SMARCA5: variants seen among roughly 807,000 people sequenced by gnomAD.
SMARCA5 encodes SNF2 related chromatin remodeling ATPase 5, also known as SWI/SNF-related matrix-associated actin-dependent regulator of chromatin subfamily A member 5.
In SMARCA5, 18 loss-of-function variants were observed where a neutral mutation model predicts 140.4. The observed-to-expected ratio is 0.13, with a 90% confidence interval of 0.09 to 0.19. The LOEUF (loss-of-function observed/expected upper bound fraction) is 0.19, where lower values mean the gene tolerates loss of function less well. Ranked by LOEUF, SMARCA5 falls within the 10% of genes least tolerant of loss-of-function variation. The pLI is 1.00. For synonymous variants in SMARCA5, 449 were observed against 419.6 expected, an observed-to-expected ratio of 1.07 and a Z score of -0.86; for missense variants, 606 against 1,276.8, an observed-to-expected ratio of 0.47 and a Z score of 8.01.
chr4:143,538,991 G>A, intron 13 of SMARCA5, 53 bp downstream of exon 13: 1 of 1,489,012 alleles, frequency 6.7e-7, no homozygotes, highest in African/African-American at 1.4e-5. Flanking sequence ...CGTTAGTTAG[G>A]ACAGGCTAAT....
intron 2 of SMARCA5, among the ~76,000 whole-genome samples, chr4:143,519,608 A>G (rs948379407): frequency 2.0e-5 from 3 of 151,814 alleles, no homozygotes; most frequent in Non-Finnish European, 4.4e-5. Context: ...TTTTGACATC[A>G]TGATCTTCAC....
chr4:143,513,708 G>C lies in SMARCA5; in HGVS notation c.-217G>C. The stretch of plus-strand genomic sequence containing the variant: ...TTCCCGCCGTGAGGTAAGCGCCGGT[G>C]GAACCTAGAGCCCCGCGGAAGAGCA... On this transcript the variant is annotated 5_prime_UTR_variant, in exon 1 of 24. Coordinates refer to ENST00000283131, the MANE Select transcript of SMARCA5 (RefSeq NM_003601.4). 1 of 572,614 alleles carries C rather than the reference G, an allele frequency of 1.7e-6. No homozygotes were observed. The highest frequency in any genetic ancestry group is 3.0e-6 in the Non-Finnish European group (1 of 331,068). 35.5% of individuals were successfully genotyped at this position (572,614 alleles called of 1,614,324 possible).
chr4:143,525,272 C>A (rs541268326), intron 4 of SMARCA5, among the ~76,000 whole-genome samples, 179 bp from the exon 5 acceptor site: 1 of 152,254 alleles, frequency 6.6e-6, no homozygotes, highest in East Asian at 1.9e-4. Flanking sequence ...TCTTCCATGT[C>A]CAGCTTTTCC....
At chr4:143,547,073 T>C (rs563286992) in intron 20 of SMARCA5, among the ~76,000 whole-genome samples, 165 bp downstream of exon 20, 1 of 152,276 alleles carries the variant, frequency 6.6e-6, no homozygotes, top group East Asian at 1.9e-4. Flanking sequence ...AGAAATGGCG[T>C]AATGGTTTCC....
intron 7 of SMARCA5, 130 bp downstream of exon 7, chr4:143,528,153 T>C: frequency 1.6e-6 from 1 of 641,032 alleles, no homozygotes; most frequent in South Asian, 2.3e-5. Flanking sequence ...TAGGTATGCA[T>C]GTGCCATGGT....
chr4:143,528,467 A>G (rs1737119255), intron 7 of SMARCA5, 116 bp from the exon 8 acceptor site: 2 of 804,008 alleles, frequency 2.5e-6, no homozygotes, highest in South Asian at 1.9e-5. Flanking sequence ...TATGTGCCAT[A>G]TTTTCTTTAA....
intron 13 of SMARCA5, among the ~76,000 whole-genome samples, 186 bp downstream of exon 13, chr4:143,539,124 A>G (rs755530359): frequency 1.8e-4 from 27 of 152,160 alleles, no homozygotes; most frequent in Non-Finnish European, 2.5e-4. Flanking sequence ...GGGATCTGCC[A>G]TATCTTAGGA....
At position 143,556,631 on chromosome 4, in the gene SMARCA5, A is replaced by G. The variant is rs1481759815; in HGVS notation, c.*3447A>G. On this transcript the variant is annotated 3_prime_UTR_variant, in exon 24 of 24. Transcript: ENST00000283131. ...TTACCAAAATATATACATATTTTGT[A>G]TATGTACATAGCTGTTACCAAAATG... 1 of 152,226 alleles carries G rather than the reference A, an allele frequency of 6.6e-6. No homozygotes were observed. The highest frequency in any genetic ancestry group is 2.4e-5 in the African/African-American group (1 of 41,472). 9.4% of individuals were successfully genotyped at this position (152,226 alleles called of 1,614,324 possible).
At chr4:143,523,223 C>A (rs1736998713) in intron 3 of SMARCA5, among the ~76,000 whole-genome samples, 1 of 152,054 alleles carries the variant, frequency 6.6e-6, no homozygotes, top group South Asian at 2.1e-4. Flanking sequence ...GATGGGGTTT[C>A]ACCATGTTGG....
At chr4:143,544,026 G>A in intron 16 of SMARCA5, 54 bp downstream of exon 16, 2 of 1,348,478 alleles carry the variant, frequency 1.5e-6, no homozygotes, top group Non-Finnish European at 2.0e-6. Context: ...CTGGAAACTT[G>A]GAATTTTAAG....
chr4:143,555,661 C>CT lies in SMARCA5; in HGVS notation c.*2481dup, dbSNP rs148860943. On this transcript the variant is annotated 3_prime_UTR_variant, in exon 24 of 24. Coordinates refer to ENST00000283131, the MANE Select transcript of SMARCA5 (RefSeq NM_003601.4). ...CTATTATAAAGTGTAATTATTACTACTTTTAAGAGACAGGGTCTTGCTCTG... is the reference window on the plus strand; with the variant it reads ...CTATTATAAAGTGTAATTATTACTACTTTTTAAGAGACAGGGTCTTGCTCTG... The CT allele has an allele frequency of 1.7e-3, 393 of 233,820 alleles. No homozygotes were observed. The highest frequency in any genetic ancestry group is 6.8e-3 in the African/African-American group (290 of 42,702). 14.5% of individuals were successfully genotyped at this position (233,820 alleles called of 1,614,324 possible).
At chr4:143,534,393 A>G (rs572857049) in intron 9 of SMARCA5, among the ~76,000 whole-genome samples, 9 of 152,312 alleles carry the variant, frequency 5.9e-5, no homozygotes, top group Admixed American at 3.9e-4. Flanking sequence ...CATAGATTCA[A>G]TCAACTATGG....
In SMARCA5 at chr4:143,555,428, G is replaced by T; in HGVS notation, c.*2244G>T. Reference sequence around the variant, plus strand: ...ATCACAGAACTTGATGACTGTATTTGTGACTAATTGTATAATAGTTTCTGT... The same window carrying T: ...ATCACAGAACTTGATGACTGTATTTTTGACTAATTGTATAATAGTTTCTGT... On this transcript the variant is annotated 3_prime_UTR_variant, in exon 24 of 24. Transcript: ENST00000283131. 2 of 606,868 alleles carry T rather than the reference G, an allele frequency of 3.3e-6. No homozygotes were observed. The highest frequency in any genetic ancestry group is 1.8e-5 in the African/African-American group (1 of 55,124). 37.6% of individuals were successfully genotyped at this position (606,868 alleles called of 1,614,324 possible). A position where few individuals can be genotyped will look rare whatever the true frequency, so the allele number is the denominator to read the frequency against.
chr4:143,522,063 T>C (rs1736973310), intron 3 of SMARCA5, among the ~76,000 whole-genome samples: 1 of 152,126 alleles, frequency 6.6e-6, no homozygotes, highest in Non-Finnish European at 1.5e-5. Flanking sequence ...TAACATCACA[T>C]TGAAGAATGA....
At chr4:143,549,015 T>C (rs1441381260) in intron 22 of SMARCA5, among the ~76,000 whole-genome samples, 1 of 152,112 alleles carries the variant, frequency 6.6e-6, no homozygotes, top group East Asian at 1.9e-4. Context: ...TAAAACACTG[T>C]ATAAATATAT....
chr4:143,539,328 A>G (rs937637491), intron 13 of SMARCA5, among the ~76,000 whole-genome samples: 1 of 152,204 alleles, frequency 6.6e-6, no homozygotes, highest in Non-Finnish European at 1.5e-5. Flanking sequence ...AAATTATAGT[A>G]TAGTTATATC....
At chr4:143,535,537 A>G (rs563088569) in intron 10 of SMARCA5, among the ~76,000 whole-genome samples, 9 of 152,290 alleles carry the variant, frequency 5.9e-5, no homozygotes, top group African/African-American at 2.2e-4. Flanking sequence ...TTATCTGGGT[A>G]AGAGGTTATC....
rs945618863 is a variant in SMARCA5, at chr4:143,526,308, T to A, written c.649T>A (p.Ser217Thr). The change falls in exon 6 of 24, where the codon TCT (serine) becomes ACT (threonine). Residue 217 changes from serine (S) to threonine (T), a missense_variant. Around this residue, in one of 10 missense-constraint regions of SMARCA5, gnomAD observed 110 missense variants for 287.7 expected, o/e 0.38. Coordinates refer to ENST00000283131, the MANE Select transcript of SMARCA5 (RefSeq NM_003601.4). ...CCTAGGAAAGACTCTTCAAACAATT[T>A]CTCTTCTTGGGTACATGAAACATTA... is the stretch of plus-strand genomic sequence containing the variant. ...MGLGKTLQTISLLGYMKHYRN... is the reference protein window; with the variant it reads ...MGLGKTLQTITLLGYMKHYRN... 6.2e-7 allele frequency: 1 copy of A among 1,613,888 alleles called. No homozygotes were observed. Among genetic ancestry groups the A allele is most frequent in the African/African-American group, 1.3e-5 (1 of 74,930 alleles).
At chr4:143,525,701 C>A in intron 5 of SMARCA5, 150 bp downstream of exon 5, 1 of 543,730 alleles carries the variant, frequency 1.8e-6, no homozygotes, top group Non-Finnish European at 3.3e-6. Context: ...TAAGTGTGAT[C>A]TGTATTTTAA....
Sources: allele counts gnomAD v4.1 joint callset (sites outside exome capture counted in the v4.1 genomes callset), GRCh38; gene constraint gnomAD v4.1.1; regional missense constraint gnomAD v4.1.1; transcripts MANE v1.5; gene names NCBI Gene and HGNC (gene_info 2026-07-23, HGNC 2026-07-21).